Variants in ALDH18A1 observed in about 807,000 individuals in gnomAD.
The protein encoded by ALDH18A1 is aldehyde dehydrogenase 18 family member A1, also known as delta-1-pyrroline-5-carboxylate synthase.
A neutral mutation model predicts 88.8 loss-of-function variants in ALDH18A1; 44 were observed. The ratio of observed to expected loss-of-function variants is 0.50; its 90% confidence interval spans 0.39 to 0.64. The LOEUF (loss-of-function observed/expected upper bound fraction) is 0.64, where lower values mean the gene tolerates loss of function less well. Among genes scored for constraint, ALDH18A1 ranks in the 30% least tolerant of loss-of-function variants. The pLI, the probability that ALDH18A1 is intolerant of heterozygous loss-of-function variation, is 0.00. For missense variants in ALDH18A1, 782 were observed against 1,009.5 expected, an observed-to-expected ratio of 0.77 and a Z score of 3.05; for synonymous variants, 331 against 372.1, an observed-to-expected ratio of 0.89 and a Z score of 1.27.
At chr10:95,651,646 G>A (rs2139665004) in intron 2 of ALDH18A1, among the ~76,000 whole-genome samples, 1 of 152,206 alleles carries the variant, frequency 6.6e-6, no homozygotes, top group South Asian at 2.1e-4. Flanking sequence ...AAGAGAGAGT[G>A]AGGGGGTGGT....
chr10:95,640,112 C>G (rs1426352465), intron 3 of ALDH18A1, among the ~76,000 whole-genome samples: 1 of 152,134 alleles, frequency 6.6e-6, no homozygotes, highest in African/African-American at 2.4e-5. Flanking sequence ...CATTTATAAT[C>G]TGGAATAATT....
At chr10:95,607,965 T>C (rs2097825937) in intron 17 of ALDH18A1, among the ~76,000 whole-genome samples, 1 of 152,214 alleles carries the variant, frequency 6.6e-6, no homozygotes, top group Admixed American at 6.5e-5. Context: ...TTCAATAGCA[T>C]ACAGACCACA....
At chr10:95,626,802 G>A (rs1285178418) in intron 9 of ALDH18A1, 26 bp from the exon 10 acceptor site, 1 of 1,612,786 alleles carries the variant, frequency 6.2e-7, no homozygotes, top group Non-Finnish European at 8.5e-7. Flanking sequence ...CAAATATCAG[G>A]TCATGGTCAC....
chr10:95,646,839 C>T (rs936272328), intron 2 of ALDH18A1, among the ~76,000 whole-genome samples: 1 of 151,990 alleles, frequency 6.6e-6, no homozygotes, highest in African/African-American at 2.4e-5. Flanking sequence ...AGGGGTTGTC[C>T]ATGTTCTTCT....
intron 7 of ALDH18A1, chr10:95,628,967 T>C: frequency 4.9e-6 from 1 of 203,340 alleles, no homozygotes; most frequent in Non-Finnish European, 1.0e-5. Context: ...TTTGAAACAG[T>C]CACTAATTTA....
At position 95,643,083 on chromosome 10, in the gene ALDH18A1, T is replaced by C; in HGVS notation, c.212A>G (p.Lys71Arg). 6.2e-7 allele frequency: 1 copy of C among 1,614,226 alleles called. No individual in the cohort carries two copies. The highest frequency in any genetic ancestry group is 1.1e-5 in the South Asian group (1 of 91,088). Residue 71 changes from lysine (K) to arginine (R), a missense_variant, in exon 3 of 18, where the codon AAG (lysine) becomes AGG (arginine). This residue lies in a region of ALDH18A1 where 94 missense variants were observed against 99.5 expected (regional missense o/e 0.94). Transcript: ENST00000371224. ...FAHRSELKHAKRIVVKLGSAV... is the reference protein window; with the variant it reads ...FAHRSELKHARRIVVKLGSAV... ...ACTGCCGAGCTTCACCACGATTCTC[T>C]TGGCATGCTTCAGCTCACTGCGGTG...
chr10:95,611,326 G>A lies in ALDH18A1; in HGVS notation c.2040C>T (p.Asn680=), dbSNP rs145806693. ...GGATGTGGTCAATGGCATCCTGAACGTTGTCCACTACTTCAATGCATAATT... is the reference window on the plus strand; with the variant it reads ...GGATGTGGTCAATGGCATCCTGAACATTGTCCACTACTTCAATGCATAATT... ...DLELCIEVVD[N]VQDAIDHIHK... The change falls in exon 16 of 18, where the codon AAC becomes AAT. Residue 680 remains asparagine (N), a synonymous_variant. Transcript: ENST00000371224. 6.3e-5 allele frequency: 101 copies of A among 1,614,198 alleles called. No homozygotes were observed. Among genetic ancestry groups the A allele is most frequent in the East Asian group, 8.9e-5 (4 of 44,890 alleles).
At chr10:95,613,659 C>T in intron 15 of ALDH18A1, 83 bp downstream of exon 15, 2 of 1,525,184 alleles carry the variant, frequency 1.3e-6, no homozygotes, top group Admixed American at 1.7e-5. Flanking sequence ...TCTTAAACTG[C>T]CTTATATGGT....
At chr10:95,646,529 G>C (rs1265308026) in intron 2 of ALDH18A1, among the ~76,000 whole-genome samples, 1 of 152,016 alleles carries the variant, frequency 6.6e-6, no homozygotes, top group African/African-American at 2.4e-5. Context: ...AGCTTCAGGG[G>C]ACTCAGGGCT....
At position 95,632,255 on chromosome 10, in the gene ALDH18A1, G is replaced by A. The variant is rs146299793; in HGVS notation, c.808+704C>T. Among the ~76,000 whole-genome samples the A allele has an allele frequency of 8.8e-3, 1,343 of 152,298 alleles. 86 individuals carry two copies. Among genetic ancestry groups the A allele is most frequent in the Admixed American group, 0.082 (1,257 of 15,302 alleles). On this transcript the variant is annotated intron_variant, in intron 7 of 17. Coordinates refer to ENST00000371224, the MANE Select transcript of ALDH18A1 (RefSeq NM_002860.4). ...TAGAAGTGGGGAGTGACTGCTAATGGTTATGGAATTTCTTATTTGGGTGAT... is the reference window on the plus strand; with the variant it reads ...TAGAAGTGGGGAGTGACTGCTAATGATTATGGAATTTCTTATTTGGGTGAT...
At chr10:95,615,895 AATG>A (rs2097843399) in intron 13 of ALDH18A1, among the ~76,000 whole-genome samples, 1 of 152,182 alleles carries the variant, frequency 6.6e-6, no homozygotes, top group African/African-American at 2.4e-5. Flanking sequence ...TCTAATAATT[AATG>A]ATATTTTCCT....
At chr10:95,645,073 G>C (rs553655208) in intron 2 of ALDH18A1, among the ~76,000 whole-genome samples, 24 of 152,326 alleles carry the variant, frequency 1.6e-4, no homozygotes, top group Admixed American at 2.0e-4. Context: ...AGGACAATGA[G>C]TGCATAGGCA....
In ALDH18A1 at chr10:95,637,093, C is replaced by G; in HGVS notation, c.558G>C (p.Gln186His). Residue 186 changes from glutamine (Q) to histidine (H), a missense_variant and splice_region_variant, in exon 5 of 18, where the codon CAG (glutamine) becomes CAC (histidine). Gln to His is a conservative substitution (Grantham distance 24, BLOSUM62 0). This residue lies in a region of ALDH18A1 where 132 missense variants were observed against 255.5 expected (regional missense o/e 0.52). Transcript: ENST00000371224. ...CCCATTTCAAAGCCCAGCCTCTCACCTGGGCAGCACAGATGCTGTACTGGG... is the reference window on the plus strand; with the variant it reads ...CCCATTTCAAAGCCCAGCCTCTCACGTGGGCAGCACAGATGCTGTACTGGG... Reference protein sequence around the residue: ...MFTQYSICAAQILVTNLDFHD... With the variant: ...MFTQYSICAAHILVTNLDFHD... 1 of 1,614,046 alleles carries G rather than the reference C, an allele frequency of 6.2e-7. No individual in the cohort carries two copies. The highest frequency in any genetic ancestry group is 1.1e-5 in the South Asian group (1 of 91,068).
intron 2 of ALDH18A1, among the ~76,000 whole-genome samples, chr10:95,652,242 A>C (rs560643862): frequency 1.0e-3 from 158 of 152,366 alleles, no homozygotes; most frequent in Non-Finnish European, 1.8e-3. Flanking sequence ...GTGGCTGTTA[A>C]AGAGAAATAA....
intron 12 of ALDH18A1, among the ~76,000 whole-genome samples, chr10:95,619,786 T>C (rs2097849401): frequency 6.6e-6 from 1 of 152,108 alleles, no homozygotes; most frequent in Non-Finnish European, 1.5e-5. Context: ...CAAAAATTAA[T>C]TCAAGATGGA....
At chr10:95,644,675 A>T (rs1348139859) in intron 2 of ALDH18A1, among the ~76,000 whole-genome samples, 1 of 152,198 alleles carries the variant, frequency 6.6e-6, no homozygotes, top group South Asian at 2.1e-4. Flanking sequence ...GAAAGACTAC[A>T]TTTCCCAGCC....
intron 3 of ALDH18A1, among the ~76,000 whole-genome samples, chr10:95,641,550 G>A (rs1361806906): frequency 2.0e-5 from 3 of 148,360 alleles, no homozygotes; most frequent in Non-Finnish European, 4.5e-5. Context: ...GTTTTGCTCT[G>A]TTGCCCAGGT....
chr10:95,613,624 A>T (rs1433397910), intron 15 of ALDH18A1, 118 bp downstream of exon 15: 4 of 1,364,336 alleles, frequency 2.9e-6, no homozygotes, highest in Admixed American at 3.4e-5. Context: ...AACTTTGTAC[A>T]CAGAAGATAT....
rs201126424 is a variant in ALDH18A1, at chr10:95,613,934, C to T, written c.1801+32G>A. On this transcript the variant is annotated intron_variant, in intron 14 of 17. Coordinates refer to ENST00000371224, the MANE Select transcript of ALDH18A1 (RefSeq NM_002860.4). ...AGCTGCAGAGGATGTAATATTTCTC[C>T]GTTGTGAAAGAGAAGACCCCATCCA... 4.2e-5 allele frequency: 67 copies of T among 1,614,126 alleles called. No homozygotes were observed. In the African/African-American group the frequency reaches 6.5e-4, roughly 16 times the overall value.
Sources: gnomAD v4.1 joint callset for allele counts (sites outside exome capture counted in the v4.1 genomes callset) on GRCh38, gnomAD v4.1.1 for gene constraint, gnomAD v4.1.1 regional missense constraint, MANE v1.5 for transcripts, NCBI Gene and HGNC (gene_info 2026-07-23, HGNC 2026-07-21) for gene names.